Variants in GRIN2B observed in about 807,000 individuals in gnomAD.
The protein encoded by GRIN2B is glutamate ionotropic receptor NMDA type subunit 2B, also known as glutamate receptor ionotropic, NMDA 2B.
In GRIN2B, 5 loss-of-function variants were observed where a neutral mutation model predicts 114.5. The ratio of observed to expected loss-of-function variants is 0.04; its 90% CI spans 0.02 to 0.09. GRIN2B has a LOEUF of 0.09. GRIN2B is among the 10% of genes least tolerant of loss of function. The pLI is 1.00. For synonymous variants in GRIN2B, 787 were observed against 745.1 expected (o/e 1.06, Z -0.92); for missense variants, 1,108 against 1,943.5 (o/e 0.57, Z 8.08).
Position 13,553,700 on chromosome 12 carries a change from A to T in GRIN2B, c.*9083T>A, listed in dbSNP as rs895713201. On this transcript the variant is annotated 3_prime_UTR_variant, in exon 14 of 14. Transcript: ENST00000609686. ...AAAAAGAAGCTAAATATTGGATCAC[A>T]GATCAGTCCCAGCATGGATCAGGTT... The T allele has an allele frequency of 2.6e-5, 4 of 152,230 alleles. No homozygotes were observed. Among genetic ancestry groups the T allele is most frequent in the Non-Finnish European group, 5.9e-5 (4 of 68,038 alleles). 9.4% of individuals were successfully genotyped at this position (152,230 alleles called of 1,614,324 possible). A position where few individuals can be genotyped will look rare whatever the true frequency, so the allele number is the denominator to read the frequency against.
intron 2 of GRIN2B, among the ~76,000 whole-genome samples, chr12:13,947,721 T>A (rs1033175388): frequency 6.6e-6 from 1 of 152,174 alleles, no homozygotes; most frequent in South Asian, 2.1e-4. Context: ...GGACCCCACC[T>A]TTGGCTGTGG....
intron 10 of GRIN2B, 26 bp downstream of exon 10, chr12:13,608,577 C>T (rs200166332): frequency 6.1e-5 from 92 of 1,502,800 alleles, no homozygotes; most frequent in Middle Eastern, 3.4e-4. Flanking sequence ...GAGGGAAAGA[C>T]GGGAGATTTC....
chr12:13,919,725 C>G (rs1297150748), intron 2 of GRIN2B, among the ~76,000 whole-genome samples: 1 of 152,060 alleles, frequency 6.6e-6, no homozygotes, highest in African/African-American at 2.4e-5. Context: ...TGGCCAAGAT[C>G]TTGCTTGAAA....
At chr12:13,877,663 C>T (rs986417415) in intron 2 of GRIN2B, among the ~76,000 whole-genome samples, 10 of 152,132 alleles carry the variant, frequency 6.6e-5, no homozygotes, top group Non-Finnish European at 2.9e-5. Context: ...ACTGACAAGC[C>T]TGTGGCTCTA....
At chr12:13,877,446 C>A (rs571738193) in intron 2 of GRIN2B, among the ~76,000 whole-genome samples, 2 of 152,274 alleles carry the variant, frequency 1.3e-5, no homozygotes, top group South Asian at 4.2e-4. Flanking sequence ...TAAGCATAAC[C>A]GAATTGTGAA....
rs1484636599 is a variant in GRIN2B, at chr12:13,554,297, A to T, written c.*8486T>A. 1 of 152,178 alleles carries T rather than the reference A, an allele frequency of 6.6e-6. No individual in the cohort carries two copies. The highest frequency in any genetic ancestry group is 2.4e-5 in the African/African-American group (1 of 41,434). The allele number at this position is 152,178 out of a possible 1,614,324, so 9.4% of individuals were successfully genotyped here. A position where few individuals can be genotyped will look rare whatever the true frequency, so the allele number is the denominator to read the frequency against. On this transcript the variant is annotated 3_prime_UTR_variant, in exon 14 of 14. Transcript: ENST00000609686. ...TAGCTGCCACTAGGGAGAAACAACG[A>T]AAGTGTTATGGGCATTCATAAAATG...
chr12:13,689,071 C>G (rs1247412763), intron 4 of GRIN2B, among the ~76,000 whole-genome samples: 1 of 152,122 alleles, frequency 6.6e-6, no homozygotes, highest in Non-Finnish European at 1.5e-5. Context: ...AAAGGAAATT[C>G]AAAACAGGCT....
At chr12:13,805,918 T>A (rs192319594) in intron 3 of GRIN2B, among the ~76,000 whole-genome samples, 2 of 152,290 alleles carry the variant, frequency 1.3e-5, no homozygotes. Context: ...ACCACCATCC[T>A]ATTGTCTGCT....
chr12:13,938,706 A>C (rs1434362890), intron 2 of GRIN2B, among the ~76,000 whole-genome samples: 3 of 152,202 alleles, frequency 2.0e-5, no homozygotes, highest in African/African-American at 7.2e-5. Context: ...GATAAGAGTG[A>C]TAGTTGTCTT....
chr12:13,726,782 T>G (rs1026270174), intron 4 of GRIN2B, among the ~76,000 whole-genome samples: 2 of 151,950 alleles, frequency 1.3e-5, no homozygotes, highest in African/African-American at 4.8e-5. Flanking sequence ...CAATGTACCC[T>G]GTACCCAATG....
In GRIN2B at chr12:13,561,226, G is replaced by C. The variant is rs200589319; in HGVS notation, c.*1557C>G. 2.6e-5 allele frequency: 4 copies of C among 152,072 alleles called. No individual in the cohort carries two copies. The highest frequency in any genetic ancestry group is 2.0e-4 in the Admixed American group (3 of 15,262). 9.4% of individuals were successfully genotyped at this position (152,072 alleles called of 1,614,324 possible). ...TTTTTATTCCTCAATGGTACAATCTGAGAGGGAAACAAGGTGTTGCAGGAA... is the reference window on the plus strand; with the variant it reads ...TTTTTATTCCTCAATGGTACAATCTCAGAGGGAAACAAGGTGTTGCAGGAA... On this transcript the variant is annotated 3_prime_UTR_variant, in exon 14 of 14. Transcript: ENST00000609686.
At chr12:13,950,208 T>C (rs1031174280) in intron 2 of GRIN2B, among the ~76,000 whole-genome samples, 2 of 152,202 alleles carry the variant, frequency 1.3e-5, no homozygotes, top group Non-Finnish European at 2.9e-5. Flanking sequence ...CACTAGAAGT[T>C]ACAAAAGAGG....
intron 3 of GRIN2B, among the ~76,000 whole-genome samples, chr12:13,786,472 T>C (rs924143897): frequency 6.6e-6 from 1 of 152,156 alleles, no homozygotes; most frequent in African/African-American, 2.4e-5. Flanking sequence ...GCTGAACTTA[T>C]TTGCTTTTCA....
At chr12:13,733,455 G>A (rs1409248419) in intron 4 of GRIN2B, among the ~76,000 whole-genome samples, 1 of 152,114 alleles carries the variant, frequency 6.6e-6, no homozygotes, top group Non-Finnish European at 1.5e-5. Context: ...GTAGGTTAGG[G>A]TTCACTGAGG....
chr12:13,660,742 T>C (rs953132339), intron 5 of GRIN2B, among the ~76,000 whole-genome samples: 14 of 152,300 alleles, frequency 9.2e-5, no homozygotes, highest in African/African-American at 3.1e-4. Flanking sequence ...AGCACTTCCT[T>C]TGCATCCTTA....
In GRIN2B at chr12:13,563,591, C is replaced by T. The variant is rs757636470; in HGVS notation, c.3647G>A (p.Arg1216His). ...WEDRSGGNFC[R>H]SCPSKLHNYS... ...GTTGTGCAGCTTGGAGGGACAGCTG[C>T]GGCAGAAGTTGCCCCCGGACCGGTC... The change falls in exon 14 of 14, where the codon CGC (arginine) becomes CAC (histidine). Residue 1216 changes from arginine to histidine, a missense_variant. Coordinates refer to ENST00000609686, the MANE Select transcript of GRIN2B (RefSeq NM_000834.5). 8.1e-6 allele frequency: 13 copies of T among 1,614,100 alleles called. No homozygotes were observed. The highest frequency in any genetic ancestry group is 1.6e-4 in the Middle Eastern group (1 of 6,062).
Position 13,547,981 on chromosome 12 carries a change from A to ATATATATATATATATATATTTTTTTTTT in GRIN2B, c.*14801_*14802insAAAAAAAAAATATATATATATATATATA. ...TGTGTATATATATATATATATATATATTTTTTTTTTTTTTCTGAAAGCTAC... is the reference window on the plus strand; with the variant it reads ...TGTGTATATATATATATATATATATATATATATATATATATATATTTTTTTTTTTTTTTTTTTTTTTTCTGAAAGCTAC... On this transcript the variant is annotated 3_prime_UTR_variant, in exon 14 of 14. Transcript: ENST00000609686. The ATATATATATATATATATATTTTTTTTTT allele has an allele frequency of 2.9e-5, 2 of 68,590 alleles. No individual in the cohort carries two copies. Among genetic ancestry groups the ATATATATATATATATATATTTTTTTTTT allele is most frequent in the Non-Finnish European group, 5.8e-5 (2 of 34,396 alleles). 4.2% of individuals were successfully genotyped at this position (68,590 alleles called of 1,614,324 possible). A position where few individuals can be genotyped will look rare whatever the true frequency, so the allele number is the denominator to read the frequency against.
chr12:13,905,104 A>G (rs1239186938), intron 2 of GRIN2B, among the ~76,000 whole-genome samples: 2 of 152,194 alleles, frequency 1.3e-5, no homozygotes, highest in Admixed American at 6.5e-5. Flanking sequence ...AAATTGTTAC[A>G]TAGTTCTGGT....
At chr12:13,803,573 C>T (rs220570) in intron 3 of GRIN2B, among the ~76,000 whole-genome samples, 140,694 of 152,256 alleles carry the variant, frequency 0.92, 65,349 homozygotes, top group East Asian at 0.97. Context: ...AAAATCTATG[C>T]TACTATAATG....
Sources: allele counts gnomAD v4.1 joint callset (sites outside exome capture counted in the v4.1 genomes callset), GRCh38; gene constraint gnomAD v4.1.1; transcripts MANE v1.5; gene names NCBI Gene and HGNC (gene_info 2026-07-23, HGNC 2026-07-21).